The following CDYL variants were observed in gnomAD, a reference collection of about 807,000 sequenced individuals.
CDYL encodes chromodomain Y-like protein.
CDYL carries 8 observed loss-of-function variants against 47.3 expected under a neutral mutation model. The observed-to-expected ratio is 0.17, with a 90% confidence interval of 0.10 to 0.31. The LOEUF (loss-of-function observed/expected upper bound fraction) is 0.31. Ranked by LOEUF, CDYL falls within the 10% of genes least tolerant of loss-of-function variation. The pLI is 1.00. For missense variants in CDYL, 471 were observed against 701.4 expected (o/e 0.67, Z 3.71); for synonymous variants, 266 against 265.0 (o/e 1.00, Z -0.04).
At chr6:4,822,389 G>A (rs780270604) in intron 1 of CDYL, among the ~76,000 whole-genome samples, 1 of 150,572 alleles carries the variant, frequency 6.6e-6, no homozygotes, top group Non-Finnish European at 1.5e-5. Context: ...AATATAAAAA[G>A]CATTAACAAA....
intron 3 of CDYL, among the ~76,000 whole-genome samples, chr6:4,749,688 T>G (rs1757957877): frequency 6.6e-6 from 1 of 152,228 alleles, no homozygotes; most frequent in Non-Finnish European, 1.5e-5. Context: ...ATGAGATGTT[T>G]TCAAATAAGT....
chr6:4,882,821 A>T (rs182647331), intron 1 of CDYL, among the ~76,000 whole-genome samples: 187 of 152,320 alleles, frequency 1.2e-3, no homozygotes, highest in Non-Finnish European at 2.0e-3. Context: ...ATCAACTAGT[A>T]TTCCAGCTCT....
At chr6:4,809,184 G>T (rs900986230) in intron 1 of CDYL, among the ~76,000 whole-genome samples, 1 of 152,098 alleles carries the variant, frequency 6.6e-6, no homozygotes, top group Non-Finnish European at 1.5e-5. Flanking sequence ...AAAAGAGCAG[G>T]TAGTATGGTA....
At chr6:4,847,818 G>T (rs1377151807) in intron 1 of CDYL, among the ~76,000 whole-genome samples, 22 of 152,148 alleles carry the variant, frequency 1.4e-4, no homozygotes, top group Admixed American at 1.4e-3. Flanking sequence ...CCAAGGTAGG[G>T]CTCAACAAAC....
At chr6:4,950,244 G>A (rs1468720778) in intron 5 of CDYL, among the ~76,000 whole-genome samples, 3 of 152,172 alleles carry the variant, frequency 2.0e-5, no homozygotes, top group Non-Finnish European at 4.4e-5. Context: ...GGGAGAGGAA[G>A]CCTGCGGACA....
chr6:4,817,294 T>A (rs1208165682), intron 1 of CDYL, among the ~76,000 whole-genome samples: 3 of 151,692 alleles, frequency 2.0e-5, no homozygotes, highest in Non-Finnish European at 4.4e-5. Context: ...TAATTACAGG[T>A]ACACAGTTAC....
chr6:4,897,611 G>A (rs1762320129), intron 2 of CDYL, among the ~76,000 whole-genome samples: 1 of 152,066 alleles, frequency 6.6e-6, no homozygotes, highest in African/African-American at 2.4e-5. Flanking sequence ...TAACCCCAGG[G>A]AAGATTAACA....
At chr6:4,840,275 G>C (rs895347116) in intron 1 of CDYL, among the ~76,000 whole-genome samples, 2 of 152,034 alleles carry the variant, frequency 1.3e-5, no homozygotes, top group African/African-American at 4.8e-5. Flanking sequence ...CTGGAACTTT[G>C]CTGAATTTAT....
chr6:4,872,769 A>G (rs1761511613), intron 1 of CDYL, among the ~76,000 whole-genome samples: 3 of 152,216 alleles, frequency 2.0e-5, no homozygotes, highest in Admixed American at 2.0e-4. Flanking sequence ...ATAGAACTAG[A>G]TAGAAAATTC....
At chr6:4,830,326 A>G (rs1246643618) in intron 1 of CDYL, among the ~76,000 whole-genome samples, 3 of 152,246 alleles carry the variant, frequency 2.0e-5, no homozygotes, top group Non-Finnish European at 4.4e-5. Flanking sequence ...GACCACTAGG[A>G]GGATGTACAT....
intron 2 of CDYL, among the ~76,000 whole-genome samples, chr6:4,896,030 A>G (rs1482680124): frequency 6.6e-6 from 1 of 152,010 alleles, no homozygotes; most frequent in Non-Finnish European, 1.5e-5. Flanking sequence ...TATGATCTCT[A>G]CCCCTCTCTC....
chr6:4,765,258 G>A (rs1308688980), intron 3 of CDYL, among the ~76,000 whole-genome samples: 1 of 152,080 alleles, frequency 6.6e-6, no homozygotes, highest in Non-Finnish European at 1.5e-5. Context: ...GGGAGGCAGA[G>A]GTTGCAGTAA....
At chr6:4,722,478 G>A (rs1228341574) in intron 2 of CDYL, among the ~76,000 whole-genome samples, 1 of 152,160 alleles carries the variant, frequency 6.6e-6, no homozygotes. Context: ...GAAAATGTTC[G>A]TCAAATACCA....
chr6:4,949,644 G>A (rs1479816247), intron 5 of CDYL, among the ~76,000 whole-genome samples: 2 of 152,246 alleles, frequency 1.3e-5, no homozygotes, highest in East Asian at 3.8e-4. Context: ...CGTGCTAGCT[G>A]GTCAGGTTCC....
intron 1 of CDYL, among the ~76,000 whole-genome samples, chr6:4,778,265 G>C (rs1417618491): frequency 6.6e-6 from 1 of 152,190 alleles, no homozygotes; most frequent in Non-Finnish European, 1.5e-5. Context: ...TTAGTCATGA[G>C]TGTTCACTCT....
intron 1 of CDYL, among the ~76,000 whole-genome samples, chr6:4,801,315 A>G (rs1185742949): frequency 6.6e-6 from 1 of 152,198 alleles, no homozygotes; most frequent in Non-Finnish European, 1.5e-5. Context: ...TTTTTGAAAT[A>G]TTTATGATAA....
chr6:4,789,545 C>G (rs183101328), intron 1 of CDYL, among the ~76,000 whole-genome samples: 14 of 152,270 alleles, frequency 9.2e-5, no homozygotes, highest in Non-Finnish European at 1.9e-4. Context: ...TCCAGTGATT[C>G]AAACTTAAAT....
intron 1 of CDYL, among the ~76,000 whole-genome samples, chr6:4,808,208 G>C (rs1759428300): frequency 6.6e-6 from 1 of 152,164 alleles, no homozygotes; most frequent in Non-Finnish European, 1.5e-5. Context: ...TGTTGCCGTT[G>C]CCTCTCGAAC....
chr6:4,818,793 C>T (rs1490171829), intron 1 of CDYL, among the ~76,000 whole-genome samples: 3 of 152,184 alleles, frequency 2.0e-5, no homozygotes, highest in African/African-American at 7.2e-5. Flanking sequence ...AGCATGAAAA[C>T]TGTGGATGTA....
Sources: gnomAD v4.1 joint callset for allele counts (sites outside exome capture counted in the v4.1 genomes callset) on GRCh38, gnomAD v4.1.1 for gene constraint, MANE v1.5 for transcripts, NCBI Gene and HGNC (gene_info 2026-07-23, HGNC 2026-07-21) for gene names.